Variants in CUBN observed in about 807,000 individuals in gnomAD.
The protein encoded by CUBN is cubilin.
A neutral mutation model predicts 405.3 loss-of-function variants in CUBN; 282 were observed. That is an observed-to-expected ratio of 0.70 (90% CI 0.63 to 0.77). The LOEUF (loss-of-function observed/expected upper bound fraction) is 0.77, where lower values mean the gene tolerates loss of function less well. Among genes scored for constraint, CUBN ranks in the 30% least tolerant of loss-of-function variants. The pLI is 0.00. For synonymous variants in CUBN, 1,684 were observed against 1,617.0 expected (o/e 1.04, Z -0.99); for missense variants, 4,514 against 4,475.2 (o/e 1.01, Z -0.25).
intron 17 of CUBN, among the ~76,000 whole-genome samples, chr10:17,075,207 C>T (rs1459117117): frequency 6.6e-6 from 1 of 150,854 alleles, no homozygotes; most frequent in East Asian, 1.9e-4. Context: ...CCTCAGCCTC[C>T]CAAATAGCTG....
chr10:16,825,996 C>T (rs1457378052), intron 66 of CUBN, among the ~76,000 whole-genome samples: 2 of 152,020 alleles, frequency 1.3e-5, no homozygotes, highest in East Asian at 1.9e-4. Context: ...TAATCTGCTT[C>T]CAAATTTCAA....
At chr10:16,853,001 A>T (rs899300550) in intron 59 of CUBN, among the ~76,000 whole-genome samples, 1 of 152,214 alleles carries the variant, frequency 6.6e-6, no homozygotes, top group Non-Finnish European at 1.5e-5. Context: ...CTTCTTTCAG[A>T]TAAAAATTTT....
chr10:17,078,882 C>T (rs1020996193), intron 17 of CUBN, among the ~76,000 whole-genome samples: 1 of 152,160 alleles, frequency 6.6e-6, no homozygotes, highest in African/African-American at 2.4e-5. Flanking sequence ...AATGGTCCAT[C>T]CATATCCTCT....
chr10:17,032,602 C>A (rs1834809221), intron 27 of CUBN, among the ~76,000 whole-genome samples: 2 of 152,132 alleles, frequency 1.3e-5, no homozygotes. Flanking sequence ...GATGGGCATT[C>A]CATTAATGAC....
chr10:17,079,450 G>A (rs1020891787), intron 17 of CUBN, among the ~76,000 whole-genome samples: 8 of 151,618 alleles, frequency 5.3e-5, no homozygotes, highest in Admixed American at 4.6e-4. Context: ...CGTTGGCCAG[G>A]CTGGTCTCAA....
chr10:16,873,118 G>A (rs117133557), intron 58 of CUBN, among the ~76,000 whole-genome samples: 2,017 of 152,294 alleles, frequency 0.013, 15 homozygotes, highest in Middle Eastern at 0.037. Flanking sequence ...AGGTAGGTAG[G>A]TAGGTAGGTA....
rs17336476 is a variant in CUBN at position 16,888,736 on chromosome 10, T to C, written c.8756-170A>G. Among the ~76,000 whole-genome samples, 3,819 of 152,312 alleles carry C rather than the reference T, an allele frequency of 0.025. 66 individuals are homozygous for C. The highest frequency in any genetic ancestry group is 0.04 in the Non-Finnish European group (2,690 of 68,022). ...TAAAGCTCTGATTTAAAAACATACA[T>C]ATGTGCTTAATAAGAATATTATACA... On this transcript the variant is annotated intron_variant, in intron 55 of 66. Transcript: ENST00000377833.
In CUBN at chr10:17,087,472, C is replaced by CTTTTTTTTTT. The variant is rs775573918; in HGVS notation, c.1947+682_1947+691dup. Among the ~76,000 whole-genome samples, 87 of 71,714 alleles carry CTTTTTTTTTT rather than the reference C, an allele frequency of 1.2e-3. 8 individuals are homozygous for CTTTTTTTTTT. Among genetic ancestry groups the CTTTTTTTTTT allele is most frequent in the Middle Eastern group, 0.017 (1 of 58 alleles). The allele number at this position is 71,714 out of a possible 152,430, so 47.0% of individuals were successfully genotyped here. Reference sequence around the variant, plus strand: ...CACAATCACTATTATTTTTCTTTTTCTTTTTTTTTTTTTTTTTTTTTTAGA... The same window carrying CTTTTTTTTTT: ...CACAATCACTATTATTTTTCTTTTTCTTTTTTTTTTTTTTTTTTTTTTTTTTTTTTTTAGA... On this transcript the variant is annotated intron_variant, in intron 15 of 66. Transcript: ENST00000377833.
At chr10:16,854,097 C>A (rs1839799289) in intron 59 of CUBN, among the ~76,000 whole-genome samples, 1 of 152,138 alleles carries the variant, frequency 6.6e-6, no homozygotes, top group African/African-American at 2.4e-5. Flanking sequence ...CTATGAGGAT[C>A]TCAACTGTTC....
At chr10:16,919,254 A>G (rs1276374000) in intron 44 of CUBN, among the ~76,000 whole-genome samples, 1 of 152,224 alleles carries the variant, frequency 6.6e-6, no homozygotes, top group Admixed American at 6.5e-5. Flanking sequence ...ATAAGCATGT[A>G]TCTAACGTTT....
At chr10:17,059,051 G>A (rs1287250031) in intron 22 of CUBN, among the ~76,000 whole-genome samples, 1 of 151,424 alleles carries the variant, frequency 6.6e-6, no homozygotes, top group Non-Finnish European at 1.5e-5. Context: ...CAATGGAAAA[G>A]CACATCTCTG....
intron 31 of CUBN, among the ~76,000 whole-genome samples, chr10:16,981,588 C>T (rs116001876): frequency 0.02 from 3,019 of 152,264 alleles, 94 homozygotes; most frequent in African/African-American, 0.067. Flanking sequence ...ACACCCTCTC[C>T]GAGATGGCAG....
chr10:16,990,463 G>A lies in CUBN; in HGVS notation c.4221C>T (p.Phe1407=), dbSNP rs755535047. ...CCTTGTTTGGTGGATACCTGTTGGGGAACCCGGGGCTGCTGAAGGAGCCTG... is the reference window on the plus strand; with the variant it reads ...CCTTGTTTGGTGGATACCTGTTGGGAAACCCGGGGCTGCTGAAGGAGCCTG... ...GATGSFSSPG[F]PNRYPPNKEC... is the part of the protein sequence containing the mutation. The change falls in exon 29 of 67, where the codon TTC becomes TTT. Residue 1407 remains phenylalanine (F), a synonymous_variant. Coordinates refer to ENST00000377833, the MANE Select transcript of CUBN (RefSeq NM_001081.4). 6.2e-7 allele frequency: 1 copy of A among 1,614,146 alleles called. No individual in the cohort carries two copies. The highest frequency in any genetic ancestry group is 1.7e-5 in the Admixed American group (1 of 60,020).
intron 27 of CUBN, among the ~76,000 whole-genome samples, chr10:17,028,507 G>A (rs1219200751): frequency 6.6e-6 from 1 of 151,676 alleles, no homozygotes; most frequent in African/African-American, 2.4e-5. Context: ...GATCACGTGA[G>A]GCCAGGAGCC....
intron 31 of CUBN, among the ~76,000 whole-genome samples, chr10:16,955,508 G>GT: frequency 6.6e-6 from 1 of 151,160 alleles, no homozygotes; most frequent in East Asian, 2.0e-4. Context: ...TGGAATCTAT[G>GT]TCACATATAC....
At position 16,869,792 on chromosome 10, in the gene CUBN, C is replaced by G; in HGVS notation, c.9298G>C (p.Asp3100His). 6.2e-7 allele frequency: 1 copy of G among 1,614,110 alleles called. No homozygotes were observed. Among genetic ancestry groups the G allele is most frequent in the South Asian group, 1.1e-5 (1 of 91,086 alleles). The change falls in exon 59 of 67, where the codon GAT becomes CAT. Residue 3100 changes from aspartate (D) to histidine (H), a missense_variant. Physicochemically the swap from Asp to His is moderately conservative, Grantham distance 81. Coordinates refer to ENST00000377833, the MANE Select transcript of CUBN (RefSeq NM_001081.4). ...SCSHDYLAIY[D>H]GANTSDPLLG... ...AGGGGATCGCTGGTATTGGCACCAT[C>G]GTAAATTGCCAGGTAGTCATGGGAG... is the stretch of plus-strand genomic sequence containing the variant.
intron 6 of CUBN, chr10:17,122,364 T>G (rs1353189571): frequency 3.4e-6 from 1 of 294,144 alleles, no homozygotes; most frequent in African/African-American, 2.2e-5. Flanking sequence ...TAAAGCTCTC[T>G]TTACCCAAAA....
At chr10:16,841,860 C>T (rs887040157) in intron 60 of CUBN, among the ~76,000 whole-genome samples, 3 of 135,296 alleles carry the variant, frequency 2.2e-5, no homozygotes, top group African/African-American at 8.1e-5. Context: ...TTACAGTGAG[C>T]TGAGATGGTG....
chr10:17,007,733 G>T (rs1834065601), intron 28 of CUBN, among the ~76,000 whole-genome samples: 1 of 152,186 alleles, frequency 6.6e-6, no homozygotes, highest in Non-Finnish European at 1.5e-5. Context: ...GCAACTCCAG[G>T]ACCAGCGTTA....
Sources: gnomAD v4.1 joint callset for allele counts (sites outside exome capture counted in the v4.1 genomes callset) on GRCh38, gnomAD v4.1.1 for gene constraint, MANE v1.5 for transcripts, NCBI Gene and HGNC (gene_info 2026-07-23, HGNC 2026-07-21) for gene names.